GRM7: variants seen among roughly 807,000 people sequenced by gnomAD.
The protein encoded by GRM7 is glutamate metabotropic receptor 7, also known as metabotropic glutamate receptor 7.
A neutral mutation model predicts 84.5 loss-of-function variants in GRM7; 35 were observed. The ratio of observed to expected loss-of-function variants is 0.41; its 90% CI spans 0.32 to 0.55. The LOEUF is 0.55. GRM7 is among the 20% of genes least tolerant of loss of function. GRM7 has a pLI of 0.19. For missense variants in GRM7, 1,003 were observed against 1,194.6 expected (o/e 0.84, Z 2.36); for synonymous variants, 487 against 455.1 (o/e 1.07, Z -0.89).
intron 1 of GRM7, among the ~76,000 whole-genome samples, chr3:6,898,108 A>T (rs1696252408): frequency 6.6e-6 from 1 of 152,206 alleles, no homozygotes. Flanking sequence ...AGGCCATGCG[A>T]GACATCCAGG....
chr3:7,553,988 G>A (rs947266853), intron 7 of GRM7, among the ~76,000 whole-genome samples: 1 of 152,096 alleles, frequency 6.6e-6, no homozygotes, highest in African/African-American at 2.4e-5. Flanking sequence ...TCAACTAATG[G>A]GGGGTAGCTC....
chr3:7,356,775 A>G (rs926732490), intron 4 of GRM7, among the ~76,000 whole-genome samples: 3 of 151,988 alleles, frequency 2.0e-5, no homozygotes, highest in South Asian at 2.1e-4. Flanking sequence ...TTGGCCTCAC[A>G]CTAGAGGCTC....
At chr3:7,413,369 G>T (rs113777275) in intron 4 of GRM7, among the ~76,000 whole-genome samples, 272 of 152,236 alleles carry the variant, frequency 1.8e-3, no homozygotes, top group African/African-American at 6.1e-3. Flanking sequence ...CCTTGTGAGC[G>T]AAATTGAATA....
In GRM7 at chr3:7,262,255, T is replaced by A. The variant is rs182450656; in HGVS notation, c.737-36429T>A. Among the ~76,000 whole-genome samples, 26 of 152,280 alleles carry A rather than the reference T, an allele frequency of 1.7e-4. No individual in the cohort carries two copies. In the East Asian group the frequency reaches 4.9e-3, roughly 28 times the overall value. Reference sequence around the variant, plus strand: ...CTCCCCATTTCTTTCAGTGACATAATTACATAATCCCACATTTCTCAGAGG... The same window carrying A: ...CTCCCCATTTCTTTCAGTGACATAAATACATAATCCCACATTTCTCAGAGG... On this transcript the variant is annotated intron_variant, in intron 2 of 9. Transcript: ENST00000357716.
chr3:6,974,766 A>C (rs972778866), intron 1 of GRM7, among the ~76,000 whole-genome samples: 1 of 152,152 alleles, frequency 6.6e-6, no homozygotes, highest in Non-Finnish European at 1.5e-5. Flanking sequence ...GGAGAAATGG[A>C]AGGCAGAGGT....
chr3:7,247,498 C>A (rs897795923), intron 2 of GRM7, among the ~76,000 whole-genome samples: 1 of 150,816 alleles, frequency 6.6e-6, no homozygotes, highest in Non-Finnish European at 1.5e-5. Flanking sequence ...ACTTGAGAGG[C>A]TGAGACAGGA....
At chr3:7,403,146 G>T in intron 4 of GRM7, 1 of 445,830 alleles carries the variant, frequency 2.2e-6, no homozygotes, top group Non-Finnish European at 4.5e-6. Context: ...TGACAAGTTT[G>T]TCTGGCTTTC....
At chr3:7,072,477 T>A (rs187571444) in intron 1 of GRM7, among the ~76,000 whole-genome samples, 616 of 151,740 alleles carry the variant, frequency 4.1e-3, no homozygotes, top group Middle Eastern at 0.01. Context: ...AGCCCAGGAG[T>A]TTGAGACTAG....
intron 9 of GRM7, among the ~76,000 whole-genome samples, chr3:7,715,395 C>T (rs1302544400): frequency 3.3e-5 from 5 of 152,132 alleles, no homozygotes; most frequent in Non-Finnish European, 7.4e-5. Context: ...ATCACTTGAA[C>T]CCAGGAGTTC....
intron 4 of GRM7, among the ~76,000 whole-genome samples, chr3:7,335,457 T>A (rs942644184): frequency 6.6e-6 from 1 of 151,872 alleles, no homozygotes; most frequent in African/African-American, 2.4e-5. Context: ...ATAAAAAGTT[T>A]GAAAGAGTAC....
rs527634060 is a variant in GRM7 at position 7,723,206 on chromosome 3, A to C, written c.2699-17151A>C. On this transcript the variant is annotated intron_variant, in intron 9 of 9. Coordinates refer to ENST00000357716, the MANE Select transcript of GRM7 (RefSeq NM_000844.4). ...CCAACATAATCATAATACCATTATC[A>C]TGTCCAACCTAATTAACAGTAATTC... 2.1e-3 allele frequency among the ~76,000 whole-genome samples: 322 copies of C among 152,300 alleles called. 2 individuals are homozygous for C. Among genetic ancestry groups the C allele is most frequent in the South Asian group, 0.012 (59 of 4,822 alleles).
intron 4 of GRM7, among the ~76,000 whole-genome samples, chr3:7,317,773 A>G (rs1323932262): frequency 1.3e-5 from 2 of 152,074 alleles, no homozygotes; most frequent in African/African-American, 4.8e-5. Flanking sequence ...TACAAAAAAA[A>G]AACTGTGCAA....
At position 7,029,825 on chromosome 3, in the gene GRM7, C is replaced by G. The variant is rs1046242049; in HGVS notation, c.520-116627C>G. On this transcript the variant is annotated intron_variant, in intron 1 of 9. Transcript: ENST00000357716. ...AATCGTGCTAACATGCTTAATACCA[C>G]TGAACTATACTCTTACAGTGATTAA... Among the ~76,000 whole-genome samples, 3 of 152,156 alleles carry G rather than the reference C, an allele frequency of 2.0e-5. No homozygotes were observed. The South Asian group carries it at 6.2e-4, about 32-fold the overall frequency.
chr3:7,140,310 G>A (rs1693906978), intron 1 of GRM7, among the ~76,000 whole-genome samples: 1 of 151,958 alleles, frequency 6.6e-6, no homozygotes, highest in African/African-American at 2.4e-5. Context: ...TCCAAGTAAG[G>A]GGAGAGAAAG....
intron 2 of GRM7, among the ~76,000 whole-genome samples, chr3:7,273,369 A>C (rs563409676): frequency 1.3e-5 from 2 of 152,264 alleles, no homozygotes; most frequent in East Asian, 3.9e-4. Flanking sequence ...GATTCTATGT[A>C]GTTGACTGTT....
At chr3:7,448,482 G>A (rs577978130) in intron 5 of GRM7, among the ~76,000 whole-genome samples, 1 of 152,196 alleles carries the variant, frequency 6.6e-6, no homozygotes, top group African/African-American at 2.4e-5. Flanking sequence ...ACTCACATTG[G>A]TGGCCTCCAA....
rs1193322624 is a variant in GRM7 at position 7,188,948 on chromosome 3, T to C, written c.736+42280T>C. ...TTGTCAATAGCTGGATGGATGTGTG[T>C]GGACTCATCTAGGAACAAAGAGCCT... On this transcript the variant is annotated intron_variant, in intron 2 of 9. Transcript: ENST00000357716. The surrounding 1 kb of genome is among the most constrained non-coding windows in gnomAD (Gnocchi z 4.2). 6.6e-6 allele frequency among the ~76,000 whole-genome samples: 1 copy of C among 152,202 alleles called. No homozygotes were observed. Among genetic ancestry groups the C allele is most frequent in the African/African-American group, 2.4e-5 (1 of 41,442 alleles).
At chr3:7,316,293 G>A (rs764297320) in intron 4 of GRM7, among the ~76,000 whole-genome samples, 1 of 152,098 alleles carries the variant, frequency 6.6e-6, no homozygotes, top group Non-Finnish European at 1.5e-5. Context: ...CCATTGTAGG[G>A]TTTGAGCACA....
chr3:7,045,146 G>C (rs1696758410), intron 1 of GRM7, among the ~76,000 whole-genome samples: 1 of 152,146 alleles, frequency 6.6e-6, no homozygotes, highest in South Asian at 2.1e-4. Context: ...AATTTCATAA[G>C]TTGACGTGTT....
Sources: gnomAD v4.1 joint callset for allele counts (sites outside exome capture counted in the v4.1 genomes callset) on GRCh38, gnomAD v4.1.1 for gene constraint, Gnocchi (gnomAD v3.1) non-coding constraint, MANE v1.5 for transcripts, NCBI Gene and HGNC (gene_info 2026-07-23, HGNC 2026-07-21) for gene names.